The following CREG2 variants were observed in gnomAD, a reference collection of about 807,000 sequenced individuals.
The protein encoded by CREG2 is protein CREG2.
In CREG2, 24 loss-of-function variants were observed where a neutral mutation model predicts 26.2. The observed-to-expected ratio is 0.92, with a 90% confidence interval of 0.66 to 1.29. The LOEUF is 1.29. Ranked by LOEUF, CREG2 falls within the 50% of genes most tolerant of loss-of-function variation. The probability of loss-of-function intolerance (pLI) is 0.00; values close to 1 mark genes in which losing one functional copy is unlikely to be tolerated. For missense variants in CREG2, 366 were observed against 398.6 expected, an observed-to-expected ratio of 0.92 and a Z score of 0.70; for synonymous variants, 174 against 169.2, an observed-to-expected ratio of 1.03 and a Z score of -0.22.
chr2:101,380,762 T>C (rs1015012854), intron 2 of CREG2, among the ~76,000 whole-genome samples: 1 of 146,650 alleles, frequency 6.8e-6, no homozygotes, highest in South Asian at 2.2e-4. Flanking sequence ...ACCAACCTGG[T>C]GAAATCCCAT....
intron 2 of CREG2, among the ~76,000 whole-genome samples, chr2:101,356,393 C>A (rs1308139074): frequency 6.6e-6 from 1 of 152,200 alleles, no homozygotes; most frequent in South Asian, 2.1e-4. Flanking sequence ...GCCTCCCATT[C>A]CTATCAAAAT....
intron 2 of CREG2, among the ~76,000 whole-genome samples, chr2:101,380,978 C>T (rs922670826): frequency 6.6e-6 from 1 of 152,114 alleles, no homozygotes; most frequent in African/African-American, 2.4e-5. Context: ...TTCCAGTGCA[C>T]AGGCTGGAAG....
chr2:101,372,640 C>A (rs1486076007), intron 2 of CREG2, among the ~76,000 whole-genome samples: 1 of 152,204 alleles, frequency 6.6e-6, no homozygotes, highest in Non-Finnish European at 1.5e-5. Context: ...ACATGTGCAA[C>A]TGGAATGTCA....
intron 3 of CREG2, among the ~76,000 whole-genome samples, chr2:101,352,933 G>GA (rs764805546): frequency 2.0e-5 from 3 of 152,048 alleles, no homozygotes; most frequent in African/African-American, 4.8e-5. Context: ...CTGCACAAAA[G>GA]AAAAAATCCT....
At position 101,346,399 on chromosome 2, in the gene CREG2, A is replaced by T. The variant is rs1186674227; in HGVS notation, c.*4524T>A. 1 of 152,240 alleles carries T rather than the reference A, an allele frequency of 6.6e-6. No homozygotes were observed. Among genetic ancestry groups the T allele is most frequent in the South Asian group, 2.1e-4 (1 of 4,834 alleles). 9.4% of individuals were successfully genotyped at this position (152,240 alleles called of 1,614,324 possible). A position where few individuals can be genotyped will look rare whatever the true frequency, so the allele number is the denominator to read the frequency against. ...ATCAGTGGAGAATCATTATATACAC[A>T]CTTGGATACTTATATACACCTATAG... On this transcript the variant is annotated 3_prime_UTR_variant, in exon 4 of 4. Coordinates refer to ENST00000324768, the MANE Select transcript of CREG2 (RefSeq NM_153836.4).
chr2:101,352,699 T>A (rs904249953), intron 3 of CREG2, among the ~76,000 whole-genome samples: 2 of 152,124 alleles, frequency 1.3e-5, no homozygotes, highest in African/African-American at 4.8e-5. Flanking sequence ...TCCCAGCTAC[T>A]CGGAAGTCTG....
chr2:101,361,094 A>G (rs1684531683), intron 2 of CREG2, among the ~76,000 whole-genome samples: 2 of 152,260 alleles, frequency 1.3e-5, no homozygotes, highest in South Asian at 2.1e-4. Flanking sequence ...GTAAGTCATT[A>G]TAGAATAATA....
At chr2:101,365,475 C>T (rs1684607051) in intron 2 of CREG2, among the ~76,000 whole-genome samples, 1 of 152,190 alleles carries the variant, frequency 6.6e-6, no homozygotes, top group Non-Finnish European at 1.5e-5. Context: ...GGAAACCTAT[C>T]AAAGAAAGGA....
At chr2:101,363,322 G>A (rs184624139) in intron 2 of CREG2, among the ~76,000 whole-genome samples, 4 of 152,284 alleles carry the variant, frequency 2.6e-5, no homozygotes, top group Admixed American at 2.6e-4. Context: ...CAGTGCTCTT[G>A]TACTCAAATG....
chr2:101,380,295 C>T (rs1684852665), intron 2 of CREG2, among the ~76,000 whole-genome samples: 1 of 152,188 alleles, frequency 6.6e-6, no homozygotes, highest in Non-Finnish European at 1.5e-5. Context: ...GCTTCTTGCT[C>T]CCGGGCTGTA....
chr2:101,376,750 C>A (rs946543903), intron 2 of CREG2, among the ~76,000 whole-genome samples: 1 of 152,150 alleles, frequency 6.6e-6, no homozygotes, highest in Non-Finnish European at 1.5e-5. Context: ...AAAGAGAATC[C>A]AGCTTTGTTA....
At chr2:101,374,985 G>A (rs939718185) in intron 2 of CREG2, among the ~76,000 whole-genome samples, 12 of 152,092 alleles carry the variant, frequency 7.9e-5, no homozygotes, top group African/African-American at 1.7e-4. Flanking sequence ...AAACTGACCC[G>A]CCTGCTGACA....
In CREG2 at chr2:101,387,264, T is replaced by C; in HGVS notation, c.194A>G (p.Asp65Gly). 6.8e-7 allele frequency: 1 copy of C among 1,469,928 alleles called. No individual in the cohort carries two copies. Among genetic ancestry groups the C allele is most frequent in the Admixed American group, 2.2e-5 (1 of 44,970 alleles). The allele number at this position is 1,469,928 out of a possible 1,614,324, so 91.1% of individuals were successfully genotyped here. A position where few individuals can be genotyped will look rare whatever the true frequency, so the allele number is the denominator to read the frequency against. The change falls in exon 1 of 4, where the codon GAT becomes GGT. Residue 65 changes from aspartate to glycine, a missense_variant. Asp to Gly is a moderately conservative substitution (Grantham distance 94). Coordinates refer to ENST00000324768, the MANE Select transcript of CREG2 (RefSeq NM_153836.4). This position sits in a 1 kb window ranked among gnomAD's most constrained non-coding sequence, Gnocchi z 4.7. ...TEEAMPALLE[D>G]SGSIWQQSFP... ...GCTTTGCTGCCAGATGCTGCCCGAA[T>C]CCTCTAGCAGCGCGGGCATAGCCTC...
chr2:101,370,468 A>C (rs1216007412), intron 2 of CREG2, among the ~76,000 whole-genome samples: 1 of 152,164 alleles, frequency 6.6e-6, no homozygotes, highest in East Asian at 1.9e-4. Flanking sequence ...GGTGAAGGAG[A>C]TTGAGAATCA....
intron 2 of CREG2, among the ~76,000 whole-genome samples, chr2:101,360,863 A>G (rs951963717): frequency 6.6e-6 from 1 of 152,252 alleles, no homozygotes; most frequent in Non-Finnish European, 1.5e-5. Context: ...TAATCTATGT[A>G]ACAAAAGCCA....
At chr2:101,373,716 T>A (rs568659849) in intron 2 of CREG2, among the ~76,000 whole-genome samples, 2 of 151,406 alleles carry the variant, frequency 1.3e-5, no homozygotes, top group African/African-American at 4.9e-5. Context: ...CTCAACAGAG[T>A]TGAAATAAAA....
At chr2:101,386,295 G>A (rs1684965803) in intron 1 of CREG2, among the ~76,000 whole-genome samples, 1 of 152,134 alleles carries the variant, frequency 6.6e-6, no homozygotes, top group South Asian at 2.1e-4. Context: ...GTAAAGAGGA[G>A]TTCACATTAC....
In CREG2 at chr2:101,382,613, T is replaced by C. The variant is rs900661092; in HGVS notation, c.611+920A>G. The C allele has an allele frequency of 2.1e-5, 21 of 985,308 alleles. No homozygotes were observed. In the African/African-American group the frequency reaches 3.0e-4, roughly 14 times the overall value. The allele number at this position is 985,308 out of a possible 1,614,324, so 61.0% of individuals were successfully genotyped here. On this transcript the variant is annotated intron_variant, in intron 2 of 3. Transcript: ENST00000324768. ...AGCTGAAGTGTCTCCATGTGGTCTG[T>C]CGTGGCTGAGGGGAAACAATGGCTT...
intron 2 of CREG2, chr2:101,383,127 G>T: frequency 2.2e-6 from 1 of 453,048 alleles, no homozygotes; most frequent in Non-Finnish European, 3.0e-6. Flanking sequence ...TATAGACTCT[G>T]TGTTGCACGC....
Sources: gnomAD v4.1 joint callset for allele counts (sites outside exome capture counted in the v4.1 genomes callset) on GRCh38, gnomAD v4.1.1 for gene constraint, Gnocchi (gnomAD v3.1) non-coding constraint, MANE v1.5 for transcripts, NCBI Gene and HGNC (gene_info 2026-07-23, HGNC 2026-07-21) for gene names.